RGS9: variants seen among roughly 807,000 people sequenced by gnomAD.
RGS9 encodes the protein regulator of G-protein signalling 9.
In RGS9, 78 loss-of-function variants were observed where a neutral mutation model predicts 102.0. The observed-to-expected ratio is 0.76, with a 90% CI of 0.64 to 0.92. The LOEUF (loss-of-function observed/expected upper bound fraction) is 0.92. RGS9 is among the 40% of genes least tolerant of loss of function. The probability of loss-of-function intolerance (pLI) is 0.00; values close to 1 mark genes in which losing one functional copy is unlikely to be tolerated. For synonymous variants in RGS9, 353 were observed against 318.6 expected (o/e 1.11, Z -1.15); for missense variants, 833 against 866.1 (o/e 0.96, Z 0.48).
At chr17:65,203,389 T>G (rs1367805229) in intron 14 of RGS9, among the ~76,000 whole-genome samples, 2 of 152,172 alleles carry the variant, frequency 1.3e-5, no homozygotes, top group Non-Finnish European at 2.9e-5. Context: ...ACACAACTCC[T>G]GATTCCAAAA....
intron 11 of RGS9, among the ~76,000 whole-genome samples, 188 bp downstream of exon 11, chr17:65,190,424 G>A (rs1262390704): frequency 6.6e-6 from 1 of 152,114 alleles, no homozygotes; most frequent in Non-Finnish European, 1.5e-5. Flanking sequence ...GTCTCATCTT[G>A]GGTTATGCAA....
At chr17:65,162,929 C>T in intron 6 of RGS9, 84 bp from the exon 7 acceptor site, 2 of 758,928 alleles carry the variant, frequency 2.6e-6, no homozygotes, top group Non-Finnish European at 4.7e-6. Context: ...AGGGGTGTGC[C>T]CTTGCTGACT....
In RGS9 at chr17:65,140,043, G is replaced by A. The variant is rs577031863; in HGVS notation, c.57+2446G>A. ...TGTCCATGATGGTGTGGAGGGGTGG[G>A]CATTATGTGCATTATCTCATCTATT... On this transcript the variant is annotated intron_variant, in intron 1 of 18. Coordinates refer to ENST00000262406, the MANE Select transcript of RGS9 (RefSeq NM_003835.4). 4.6e-5 allele frequency among the ~76,000 whole-genome samples: 7 copies of A among 152,312 alleles called. No homozygotes were observed. In the South Asian group the frequency reaches 1.2e-3, roughly 27 times the overall value.
Position 65,202,440 on chromosome 17 carries a change from TGTGTGAGA to T in RGS9, c.1064+362_1064+369del, listed in dbSNP as rs893873381. 1.6e-4 allele frequency among the ~76,000 whole-genome samples: 22 copies of T among 133,872 alleles called. 1 individual carries two copies. The highest frequency in any genetic ancestry group is 3.9e-3 in the Middle Eastern group (1 of 258). The allele number at this position is 133,872 out of a possible 152,430, so 87.8% of individuals were successfully genotyped here. A position where few individuals can be genotyped will look rare whatever the true frequency, so the allele number is the denominator to read the frequency against. ...GTGTGTGTGTGTGTGTGTGTGTGTG[TGTGTGAGA>T]GAGAGAGAGAGAGAGAGAGTGAGAG... On this transcript the variant is annotated intron_variant, in intron 14 of 18. Coordinates refer to ENST00000262406, the MANE Select transcript of RGS9 (RefSeq NM_003835.4).
At chr17:65,139,108 C>CCCCCTCTCCCCCA (rs1910045367) in intron 1 of RGS9, among the ~76,000 whole-genome samples, 2 of 40,872 alleles carry the variant, frequency 4.9e-5, no homozygotes, top group Admixed American at 3.2e-4. Flanking sequence ...GCTCTCCCCC[C>CCCCCTCTCCCCCA]TCCACCCCAC....
At chr17:65,195,728 C>T (rs8072969) in intron 12 of RGS9, among the ~76,000 whole-genome samples, 3,435 of 152,272 alleles carry the variant, frequency 0.023, 126 homozygotes, top group African/African-American at 0.079. Context: ...AAAACATCAA[C>T]GTTCAGGCCT....
rs756842470 is a variant in RGS9 at position 65,137,549 on chromosome 17, C to A, written c.9C>A (p.Ile3=). The change falls in exon 1 of 19, where the codon ATC becomes ATA. Residue 3 remains isoleucine, a synonymous_variant. Transcript: ENST00000262406. The part of the protein sequence containing the change: MT[I]RHQGQQYRPR... ...TCCATCCAGGGGCCAGGATGACAAT[C>A]CGACACCAAGGCCAGCAGTACAGGC... 6.2e-7 allele frequency: 1 copy of A among 1,612,390 alleles called. No homozygotes were observed. The highest frequency in any genetic ancestry group is 8.5e-7 in the Non-Finnish European group (1 of 1,179,966).
Position 65,221,972 on chromosome 17 carries a change from TAGAC to T in RGS9, c.1408-3027_1408-3024del, listed in dbSNP as rs150782684. 9.7e-3 allele frequency among the ~76,000 whole-genome samples: 1,479 copies of T among 152,348 alleles called. 22 individuals are homozygous for T. The highest frequency in any genetic ancestry group is 0.034 in the African/African-American group (1,425 of 41,566). ...TACATTTTGTGGAGGACACAAATCT[TAGAC>T]AGCGCAGCTGGGTTCTCAGCTCAGG... On this transcript the variant is annotated intron_variant, in intron 17 of 18. Transcript: ENST00000262406.
At chr17:65,204,342 T>C (rs1375142517) in intron 15 of RGS9, 41 bp downstream of exon 15, 2 of 1,609,830 alleles carry the variant, frequency 1.2e-6, no homozygotes, top group African/African-American at 1.3e-5. Flanking sequence ...CCAGATAGGC[T>C]TTCTGTCACT....
At position 65,173,937 on chromosome 17, in the gene RGS9, A is replaced by C. The variant is rs1911516255; in HGVS notation, c.583-3795A>C. Among the ~76,000 whole-genome samples, 1 of 152,240 alleles carries C rather than the reference A, an allele frequency of 6.6e-6. No individual in the cohort carries two copies. The highest frequency in any genetic ancestry group is 1.5e-5 in the Non-Finnish European group (1 of 68,036). ...GAGGGCAGGGAACTGGAAAAGGACC[A>C]CAGCTTGATTGGGAACAACTGAGAC... On this transcript the variant is annotated intron_variant, in intron 8 of 18. Coordinates refer to ENST00000262406, the MANE Select transcript of RGS9 (RefSeq NM_003835.4). This position sits in a 1 kb window ranked among gnomAD's most constrained non-coding sequence, Gnocchi z 4.8.
chr17:65,225,031 T>C lies in RGS9; in HGVS notation c.1437T>C (p.His479=), dbSNP rs747616756. ...QPGQHMAPSP[H]LTVYTGTCMP... is the part of the protein sequence containing the mutation. Reference sequence around the variant, plus strand: ...GCCAGCACATGGCTCCCAGCCCCCATCTGACCGTGTACACCGGGACCTGCA... The same window carrying C: ...GCCAGCACATGGCTCCCAGCCCCCACCTGACCGTGTACACCGGGACCTGCA... Residue 479 remains histidine (H), a synonymous_variant, in exon 18 of 19, where the codon CAT becomes CAC. Coordinates refer to ENST00000262406, the MANE Select transcript of RGS9 (RefSeq NM_003835.4). 3.7e-6 allele frequency: 6 copies of C among 1,613,914 alleles called. No individual in the cohort carries two copies. Among genetic ancestry groups the C allele is most frequent in the Non-Finnish European group, 2.5e-6 (3 of 1,179,960 alleles).
rs549089714 is a variant in RGS9, at chr17:65,226,811, C to T, written c.1893-464C>T. Among the ~76,000 whole-genome samples the T allele has an allele frequency of 2.1e-3, 312 of 152,180 alleles. 2 individuals carry two copies. Among genetic ancestry groups the T allele is most frequent in the Middle Eastern group, 6.8e-3 (2 of 294 alleles). On this transcript the variant is annotated intron_variant, in intron 18 of 18. Coordinates refer to ENST00000262406, the MANE Select transcript of RGS9 (RefSeq NM_003835.4). ...TGTATTTTTAGTAGAGACGGGGTTT[C>T]GCCATTTTGGCCAGGCTGGTCTCGA...
At chr17:65,214,645 T>C (rs1913421381) in intron 17 of RGS9, among the ~76,000 whole-genome samples, 1 of 152,218 alleles carries the variant, frequency 6.6e-6, no homozygotes, top group South Asian at 2.1e-4. Flanking sequence ...AGGCAGCTTA[T>C]TGGGTCAGGA....
At chr17:65,149,421 T>C (rs190256197) in intron 1 of RGS9, among the ~76,000 whole-genome samples, 1 of 152,342 alleles carries the variant, frequency 6.6e-6, no homozygotes, top group East Asian at 1.9e-4. Context: ...ATTAGTTAAC[T>C]TTTCATTTTC....
chr17:65,214,480 G>A (rs190788010), intron 17 of RGS9, among the ~76,000 whole-genome samples: 42 of 152,334 alleles, frequency 2.8e-4, no homozygotes, highest in African/African-American at 9.4e-4. Context: ...AGAGGTGGGA[G>A]AGAATTGTTT....
At chr17:65,189,930 C>CT (rs112552969) in intron 10 of RGS9, among the ~76,000 whole-genome samples, 1,746 of 148,030 alleles carry the variant, frequency 0.012, 32 homozygotes, top group African/African-American at 0.039. Context: ...CTCCTTAGAA[C>CT]TTTTTTTTTT....
chr17:65,158,478 A>G, intron 3 of RGS9, 133 bp downstream of exon 3: 2 of 858,206 alleles, frequency 2.3e-6, no homozygotes, highest in Non-Finnish European at 2.0e-6. Flanking sequence ...CTTCGTGTGT[A>G]AAAGTACCAG....
intron 1 of RGS9, among the ~76,000 whole-genome samples, chr17:65,147,221 C>T (rs562985259): frequency 9.1e-4 from 139 of 152,242 alleles, no homozygotes; most frequent in African/African-American, 3.0e-3. Flanking sequence ...TTCTGTGAGC[C>T]GAGAATGTGT....
intron 1 of RGS9, among the ~76,000 whole-genome samples, chr17:65,142,580 T>C (rs1259526169): frequency 6.6e-6 from 1 of 151,594 alleles, no homozygotes; most frequent in African/African-American, 2.4e-5. Context: ...CTTTCTTTTT[T>C]TTTTTTTTTT....
Sources: gnomAD v4.1 joint callset for allele counts (sites outside exome capture counted in the v4.1 genomes callset) on GRCh38, gnomAD v4.1.1 for gene constraint, Gnocchi (gnomAD v3.1) non-coding constraint, MANE v1.5 for transcripts, NCBI Gene and HGNC (gene_info 2026-07-23, HGNC 2026-07-21) for gene names.